PRB4: variants seen among roughly 807,000 people sequenced by gnomAD.
PRB4 encodes basic salivary proline-rich protein 4.
Under a neutral mutation model 9.1 loss-of-function variants are expected in PRB4, and 14 were observed. That is an observed-to-expected ratio of 1.54 (90% CI 1.02 to 2.41). The LOEUF (loss-of-function observed/expected upper bound fraction) is 2.41, where lower values mean the gene tolerates loss of function less well. Among genes scored for constraint, PRB4 ranks in the 30% most tolerant of loss-of-function variants. The probability of loss-of-function intolerance (pLI) is 0.00; values close to 1 mark genes in which losing one functional copy is unlikely to be tolerated. For synonymous variants in PRB4, 102 were observed against 108.5 expected (o/e 0.94, Z 0.37); for missense variants, 381 against 299.3 (o/e 1.27, Z -2.02).
rs1247791441 is a variant in PRB4, at chr12:11,308,487, G to C, written c.496C>G (p.Pro166Ala). The change falls in exon 3 of 4, where the codon CCC (proline) becomes GCC (alanine). Residue 166 changes from proline (P) to alanine (A), a missense_variant. Transcript: ENST00000279575. ...CGGGACTTGTTTCCTTCCTGTGGGGGTGGTCCTTCTGGCTTTCCTGGATGA... is the reference window on the plus strand; with the variant it reads ...CGGGACTTGTTTCCTTCCTGTGGGGCTGGTCCTTCTGGCTTTCCTGGATGA... ...PPHPGKPEGP[P>A]PQEGNKSRSA... is the part of the protein sequence containing the mutation. The C allele has an allele frequency of 3.1e-6, 5 of 1,613,732 alleles. No individual in the cohort carries two copies. In the African/African-American group the frequency reaches 6.7e-5, roughly 22 times the overall value.
rs145416694 is a variant in PRB4 at position 11,308,403 on chromosome 12, G to C, written c.580C>G (p.Pro194Ala). 1.7e-4 allele frequency: 266 copies of C among 1,611,952 alleles called. No individual in the cohort carries two copies. In the African/African-American group the frequency reaches 3.3e-3, roughly 20 times the overall value. The change falls in exon 3 of 4, where the codon CCT (proline) becomes GCT (alanine). Residue 194 changes from proline to alanine, a missense_variant. Transcript: ENST00000279575. The stretch of plus-strand genomic sequence containing the variant: ...TTTCCAGGAGGTGGGGGACCTTGAG[G>C]CTTGTTGCCTTCTTGTTGGGGTGGT... Reference protein sequence around the residue: ...QGPPQQEGNKPQGPPPPGKPQ... With the variant: ...QGPPQQEGNKAQGPPPPGKPQ...
chr12:11,307,503 T>G (rs1592187784), intron 3 of PRB4, among the ~76,000 whole-genome samples: 1 of 152,340 alleles, frequency 6.6e-6, no homozygotes, highest in Middle Eastern at 3.4e-3. Flanking sequence ...ACTGAAGATA[T>G]GTAGTGACCT....
Position 11,308,820 on chromosome 12 carries a change from C to T in PRB4, c.163G>A (p.Gly55Arg), listed in dbSNP as rs775855109. ...TGTGGGGGTGGTCCTTGTGGCTTTC[C>T]TGGAGGAGGTGGGGGACGTTGGGGC... ...NQPQRPPPPP[G>R]KPQGPPPQGG... The change falls in exon 3 of 4, where the codon GGA becomes AGA. Residue 55 changes from glycine to arginine, a missense_variant. Gly to Arg is a moderately radical substitution (Grantham distance 125, BLOSUM62 -2). Coordinates refer to ENST00000279575, the MANE Select transcript of PRB4 (RefSeq NM_002723.6). 2 of 1,592,070 alleles carry T rather than the reference C, an allele frequency of 1.3e-6. No individual in the cohort carries two copies. The highest frequency in any genetic ancestry group is 1.7e-6 in the Non-Finnish European group (2 of 1,167,126).
intron 2 of PRB4, 24 bp from the exon 3 acceptor site, chr12:11,308,906 G>A (rs1458996737): frequency 1.9e-6 from 3 of 1,613,742 alleles, no homozygotes; most frequent in African/African-American, 2.7e-5. Flanking sequence ...GGGACATACG[G>A]CATTCACTGA....
intron 1 of PRB4, among the ~76,000 whole-genome samples, chr12:11,309,739 A>G (rs1181469872): frequency 6.6e-6 from 1 of 152,182 alleles, no homozygotes; most frequent in Non-Finnish European, 1.5e-5. Flanking sequence ...CTGTTAATAT[A>G]TTGCATACAT....
intron 1 of PRB4, 123 bp downstream of exon 1, chr12:11,310,212 G>A (rs1863020086): frequency 1.6e-6 from 2 of 1,241,678 alleles, no homozygotes; most frequent in South Asian, 1.2e-5. Context: ...CAGGTCTCCT[G>A]ATCCTAGGCA....
At chr12:11,309,127 C>T (rs1862995153) in intron 2 of PRB4, among the ~76,000 whole-genome samples, 1 of 152,134 alleles carries the variant, frequency 6.6e-6, no homozygotes. Context: ...AGGAGGCACT[C>T]CTGGCCAGGG....
At position 11,308,383 on chromosome 12, in the gene PRB4, A is replaced by G. The variant is rs758270383; in HGVS notation, c.600T>C (p.Pro200=). The G allele has an allele frequency of 1.3e-6, 2 of 1,599,998 alleles. No homozygotes were observed. Among genetic ancestry groups the G allele is most frequent in the Non-Finnish European group, 1.7e-6 (2 of 1,170,016 alleles). ...CTGGGGGTGGGCCTTGTGGCTTTCC[A>G]GGAGGTGGGGGACCTTGAGGCTTGT... The part of the protein sequence containing the change: ...EGNKPQGPPP[P]GKPQGPPPAG... The change falls in exon 3 of 4, where the codon CCT becomes CCC. Residue 200 remains proline, a synonymous_variant. Transcript: ENST00000279575.
intron 3 of PRB4, among the ~76,000 whole-genome samples, chr12:11,307,504 G>C (rs1257900977): frequency 1.3e-5 from 2 of 152,196 alleles, no homozygotes; most frequent in African/African-American, 4.8e-5. Context: ...CTGAAGATAT[G>C]TAGTGACCTT....
At chr12:11,310,204 G>T (rs891514141) in intron 1 of PRB4, 131 bp downstream of exon 1, 3 of 1,112,898 alleles carry the variant, frequency 2.7e-6, no homozygotes, top group Non-Finnish European at 4.1e-6. Context: ...GGGCACAACA[G>T]GTCTCCTGAT....
rs1862929076 is a variant in PRB4 at position 11,307,130 on chromosome 12, C to T, written c.*88G>A. On this transcript the variant is annotated 3_prime_UTR_variant, in exon 4 of 4. Coordinates refer to ENST00000279575, the MANE Select transcript of PRB4 (RefSeq NM_002723.6). ...ATATTAAAGTTAGAGCTATGATGAC[C>T]TTGTTCCAATGTCACGGCATTTGTA... 6.5e-6 allele frequency: 1 copy of T among 154,366 alleles called. No homozygotes were observed. The highest frequency in any genetic ancestry group is 2.4e-5 in the African/African-American group (1 of 41,524). 9.6% of individuals were successfully genotyped at this position (154,366 alleles called of 1,614,324 possible).
intron 3 of PRB4, among the ~76,000 whole-genome samples, chr12:11,308,019 G>T (rs1565779173): frequency 6.6e-6 from 1 of 152,186 alleles, no homozygotes. Context: ...ATGGTATGTT[G>T]TTTCTCAACA....
chr12:11,308,001 C>G (rs994070079), intron 3 of PRB4, among the ~76,000 whole-genome samples: 3 of 152,170 alleles, frequency 2.0e-5, no homozygotes, highest in African/African-American at 7.2e-5. Flanking sequence ...CAATTTAAGA[C>G]AGATCATATG....
At chr12:11,308,176 A>G (rs924236660) in intron 3 of PRB4, 45 bp downstream of exon 3, 3 of 1,563,180 alleles carry the variant, frequency 1.9e-6, no homozygotes, top group Middle Eastern at 1.7e-4. Context: ...AAGTTGGAGA[A>G]CTGTAGCAAT....
chr12:11,308,528 G>A lies in PRB4; in HGVS notation c.455C>T (p.Ser152Phe), dbSNP rs1341957634. Residue 152 changes from serine to phenylalanine, a missense_variant, in exon 3 of 4, where the codon TCC (serine) becomes TTC (phenylalanine). Physicochemically the swap from Ser to Phe is radical, Grantham distance 155 (BLOSUM62 -2). Coordinates refer to ENST00000279575, the MANE Select transcript of PRB4 (RefSeq NM_002723.6). The stretch of plus-strand genomic sequence containing the variant: ...TCCTGGATGAGGTGGGGGACCTTGG[G>A]ACTGGTTACCTCCTTGTGGGGGTGG... ...ERPPPQGGNQ[S>F]QGPPPHPGKP... is the part of the protein sequence containing the mutation. 1.4e-5 allele frequency: 22 copies of A among 1,587,184 alleles called. No homozygotes were observed. The highest frequency in any genetic ancestry group is 1.7e-5 in the Non-Finnish European group (20 of 1,159,930).
In PRB4 at chr12:11,308,756, C is replaced by A; in HGVS notation, c.227G>T (p.Gly76Val). The A allele has an allele frequency of 5.6e-6, 9 of 1,596,188 alleles. No individual in the cohort carries two copies. The highest frequency in any genetic ancestry group is 7.7e-6 in the Non-Finnish European group (9 of 1,166,314). Residue 76 changes from glycine to valine, a missense_variant, in exon 3 of 4, where the codon GGA (glycine) becomes GTA (valine). Physicochemically the swap from Gly to Val is moderately radical, Grantham distance 109. Around this residue, in one of 3 missense-constraint regions of PRB4, gnomAD observed 151 missense variants for 105.8 expected, o/e 1.43. Transcript: ENST00000279575. ...NQSQGPPPPP[G>V]KPEGRPPQGG... is the part of the protein sequence containing the mutation. ...TTGTGGGGGTCGTCCTTCTGGCTTT[C>A]CTGGAGGAGGTGGGGGACCTTGGGA...
At position 11,308,451 on chromosome 12, in the gene PRB4, A is replaced by C; in HGVS notation, c.532T>G (p.Ser178Ala). The C allele has an allele frequency of 6.3e-7, 1 of 1,581,076 alleles. No homozygotes were observed. Among genetic ancestry groups the C allele is most frequent in the Non-Finnish European group, 8.6e-7 (1 of 1,164,962 alleles). The change falls in exon 3 of 4, where the codon TCT becomes GCT. Residue 178 changes from serine to alanine, a missense_variant. By Grantham distance (99) the Ser-to-Ala change is moderately conservative. Coordinates refer to ENST00000279575, the MANE Select transcript of PRB4 (RefSeq NM_002723.6). ...QEGNKSRSAR[S>A]PPGKPQGPPQ... ...GGTCCTTGTGGCTTTCCTGGAGGAG[A>C]TCGGGCACTTCGGGACTTGTTTCCT...
chr12:11,310,345 A>C lies in PRB4; in HGVS notation c.54T>G (p.Ser18Arg). 3 of 1,613,640 alleles carry C rather than the reference A, an allele frequency of 1.9e-6. No homozygotes were observed. The South Asian group carries it at 3.3e-5, about 18-fold the overall frequency. The change falls in exon 1 of 4, where the codon AGT becomes AGG. Residue 18 changes from serine to arginine, a missense_variant. Coordinates refer to ENST00000279575, the MANE Select transcript of PRB4 (RefSeq NM_002723.6). ...CCCCTTCTGTTTTACCTTCACTTGAACTCTCAGCTGAGCTCAGGGCCAGCA... is the reference window on the plus strand; with the variant it reads ...CCCCTTCTGTTTTACCTTCACTTGACCTCTCAGCTGAGCTCAGGGCCAGCA... ...VALLALSSAE[S>R]SSEDVSQEES...
At position 11,308,365 on chromosome 12, in the gene PRB4, T is replaced by C. The variant is rs1440356244; in HGVS notation, c.618A>G (p.Pro206=). Residue 206 remains proline (P), a synonymous_variant, in exon 3 of 4, where the codon CCA becomes CCG. Transcript: ENST00000279575. ...GCTGGGGATTGCCTCCTGCTGGGGG[T>C]GGGCCTTGTGGCTTTCCAGGAGGTG... ...GPPPPGKPQG[P]PPAGGNPQQP... is the part of the protein sequence containing the mutation. 1 of 1,610,264 alleles carries C rather than the reference T, an allele frequency of 6.2e-7. No individual in the cohort carries two copies. Among genetic ancestry groups the C allele is most frequent in the African/African-American group, 1.3e-5 (1 of 74,924 alleles).
Sources: allele counts gnomAD v4.1 joint callset (sites outside exome capture counted in the v4.1 genomes callset), GRCh38; gene constraint gnomAD v4.1.1; regional missense constraint gnomAD v4.1.1; transcripts MANE v1.5; gene names NCBI Gene and HGNC (gene_info 2026-07-23, HGNC 2026-07-21).